Variants in MAB21L3 observed in about 807,000 individuals in gnomAD.
MAB21L3 encodes the protein mab-21 like 3.
In MAB21L3, 36 loss-of-function variants were observed where a neutral mutation model predicts 37.7. The observed-to-expected ratio is 0.96, with a 90% confidence interval of 0.73 to 1.26. MAB21L3 has a LOEUF of 1.26. Ranked by LOEUF, MAB21L3 falls within the 50% of genes most tolerant of loss-of-function variation. The pLI is 0.00. For missense variants in MAB21L3, 430 were observed against 447.3 expected (o/e 0.96, Z 0.35); for synonymous variants, 186 against 176.8 (o/e 1.05, Z -0.41).
intron 4 of MAB21L3, among the ~76,000 whole-genome samples, chr1:116,123,538 T>C (rs1232808462): frequency 2.6e-5 from 4 of 152,124 alleles, no homozygotes; most frequent in African/African-American, 9.7e-5. Context: ...GGTAGAGAAA[T>C]AATAACTGAA....
At chr1:116,125,603 T>C (rs1659886202) in intron 5 of MAB21L3, among the ~76,000 whole-genome samples, 1 of 152,226 alleles carries the variant, frequency 6.6e-6, no homozygotes, top group Non-Finnish European at 1.5e-5. Context: ...TGTGTGAAAA[T>C]AAAAGGATGT....
intron 4 of MAB21L3, among the ~76,000 whole-genome samples, chr1:116,121,832 T>G (rs1659759379): frequency 6.6e-6 from 1 of 152,232 alleles, no homozygotes; most frequent in South Asian, 2.1e-4. Context: ...TAAACCACCT[T>G]GTGGAAAAGA....
At chr1:116,119,324 C>T (rs1235023402) in intron 3 of MAB21L3, among the ~76,000 whole-genome samples, 1 of 152,174 alleles carries the variant, frequency 6.6e-6, no homozygotes, top group East Asian at 1.9e-4. Context: ...ATGTGATATA[C>T]AACGTGTCTA....
chr1:116,128,326 C>T lies in MAB21L3; in HGVS notation c.842C>T (p.Ser281Phe). 6.2e-7 allele frequency: 1 copy of T among 1,611,958 alleles called. No homozygotes were observed. Among genetic ancestry groups the T allele is most frequent in the East Asian group, 2.2e-5 (1 of 44,844 alleles). The change falls in exon 7 of 8, where the codon TCC (serine) becomes TTC (phenylalanine). Residue 281 changes from serine to phenylalanine, a missense_variant. Transcript: ENST00000369500. ...WCPGNRPVITSHHLQTVLFWT... is the reference protein window; with the variant it reads ...WCPGNRPVITFHHLQTVLFWT... ...CCAGGGAACAGGCCGGTTATCACGT[C>T]CCACCATCTGCAGGTGAGTGTGGGG...
chr1:116,128,419 C>A, intron 7 of MAB21L3, 80 bp downstream of exon 7: 3 of 1,367,238 alleles, frequency 2.2e-6, no homozygotes, highest in South Asian at 1.5e-5. Flanking sequence ...TAGGGCCTGG[C>A]CAGAGCCACT....
chr1:116,114,188 G>C (rs1268315744), intron 3 of MAB21L3, among the ~76,000 whole-genome samples: 1 of 152,146 alleles, frequency 6.6e-6, no homozygotes, highest in East Asian at 1.9e-4. Flanking sequence ...TATCATCTTG[G>C]TTGGCAACTT....
At position 116,133,485 on chromosome 1, in the gene MAB21L3, A is replaced by T; in HGVS notation, c.*120A>T. The stretch of plus-strand genomic sequence containing the variant: ...GGAGAAAGGCCACGAATGGCAGCGG[A>T]AATTACATCAAACCAGAAACACTTC... On this transcript the variant is annotated 3_prime_UTR_variant, in exon 8 of 8. Coordinates refer to ENST00000369500, the MANE Select transcript of MAB21L3 (RefSeq NM_152367.3). 1.2e-6 allele frequency: 1 copy of T among 841,652 alleles called. No homozygotes were observed. The highest frequency in any genetic ancestry group is 1.9e-6 in the Non-Finnish European group (1 of 537,052). 52.1% of individuals were successfully genotyped at this position (841,652 alleles called of 1,614,324 possible). A position where few individuals can be genotyped will look rare whatever the true frequency, so the allele number is the denominator to read the frequency against.
In MAB21L3 at chr1:116,137,038, G is replaced by T. The variant is rs1660212774; in HGVS notation, c.*3673G>T. On this transcript the variant is annotated 3_prime_UTR_variant, in exon 8 of 8. Transcript: ENST00000369500. Reference sequence around the variant, plus strand: ...ATAAAAACCCTAGAAGAAAACCTAGGCATTACCATTCAGGACATAGGCATG... The same window carrying T: ...ATAAAAACCCTAGAAGAAAACCTAGTCATTACCATTCAGGACATAGGCATG... 9.5e-6 allele frequency among the ~76,000 whole-genome samples: 1 copy of T among 105,454 alleles called. No individual in the cohort carries two copies. The highest frequency in any genetic ancestry group is 1.8e-5 in the Non-Finnish European group (1 of 56,902). The allele number at this position is 105,454 out of a possible 152,430, so 69.2% of individuals were successfully genotyped here.
chr1:116,130,512 G>A lies in MAB21L3; in HGVS notation c.855+2173G>A, dbSNP rs531289832. 2.6e-5 allele frequency among the ~76,000 whole-genome samples: 4 copies of A among 152,324 alleles called. No homozygotes were observed. The South Asian group carries it at 8.3e-4, about 32-fold the overall frequency. ...CCCTGCCCTTGAAATGAATGTGGCTGGTGATAAATGTGGTGCTAGACACCA... is the reference window on the plus strand; with the variant it reads ...CCCTGCCCTTGAAATGAATGTGGCTAGTGATAAATGTGGTGCTAGACACCA... On this transcript the variant is annotated intron_variant, in intron 7 of 7. Coordinates refer to ENST00000369500, the MANE Select transcript of MAB21L3 (RefSeq NM_152367.3).
intron 3 of MAB21L3, among the ~76,000 whole-genome samples, chr1:116,120,418 C>G (rs1659708778): frequency 7.7e-6 from 1 of 129,924 alleles, no homozygotes; most frequent in Non-Finnish European, 1.5e-5. Context: ...CACACACACA[C>G]ACACACACAC....
At chr1:116,123,965 G>T (rs768264796) in intron 4 of MAB21L3, 101 bp from the exon 5 acceptor site, 82 of 1,216,756 alleles carry the variant, frequency 6.7e-5, no homozygotes, top group Non-Finnish European at 9.4e-5. Flanking sequence ...AGGGTGGAGT[G>T]GTTAACAGAG....
intron 3 of MAB21L3, among the ~76,000 whole-genome samples, chr1:116,119,641 G>A (rs1046264244): frequency 1.3e-5 from 2 of 152,092 alleles, no homozygotes; most frequent in Admixed American, 6.5e-5. Flanking sequence ...GGCTGAAGGA[G>A]CCTCTGAAGG....
intron 3 of MAB21L3, 85 bp from the exon 4 acceptor site, chr1:116,120,847 T>C (rs2101611956): frequency 1.9e-6 from 3 of 1,539,612 alleles, no homozygotes; most frequent in South Asian, 1.2e-5. Flanking sequence ...CCCCTTGCTG[T>C]ACCCTTGTCT....
At position 116,127,232 on chromosome 1, in the gene MAB21L3, T is replaced by G. The variant is rs1403540200; in HGVS notation, c.482-234T>G. Among the ~76,000 whole-genome samples the G allele has an allele frequency of 5.3e-5, 8 of 152,242 alleles. No homozygotes were observed. In the East Asian group the frequency reaches 1.5e-3, roughly 29 times the overall value. On this transcript the variant is annotated intron_variant, in intron 5 of 7. Coordinates refer to ENST00000369500, the MANE Select transcript of MAB21L3 (RefSeq NM_152367.3). ...GGGAGAAAGAAAAACTCACCAGCAATGAGACTTCTTAGTAATGTTCCGATG... is the reference window on the plus strand; with the variant it reads ...GGGAGAAAGAAAAACTCACCAGCAAGGAGACTTCTTAGTAATGTTCCGATG...
chr1:116,125,680 T>G (rs1659888472), intron 5 of MAB21L3, among the ~76,000 whole-genome samples: 1 of 152,176 alleles, frequency 6.6e-6, no homozygotes, highest in African/African-American at 2.4e-5. Flanking sequence ...TAATAGTTTA[T>G]GTTTAATAGA....
At chr1:116,113,143 T>C (rs1290099188) in intron 3 of MAB21L3, among the ~76,000 whole-genome samples, 1 of 152,214 alleles carries the variant, frequency 6.6e-6, no homozygotes, top group Non-Finnish European at 1.5e-5. Context: ...TTCTTCTAGA[T>C]GGTCTAGATG....
chr1:116,119,865 G>C (rs1659692701), intron 3 of MAB21L3, among the ~76,000 whole-genome samples: 1 of 152,086 alleles, frequency 6.6e-6, no homozygotes, highest in Non-Finnish European at 1.5e-5. Context: ...TTTTCTATGA[G>C]AATTTCCCAA....
At position 116,135,489 on chromosome 1, in the gene MAB21L3, G is replaced by A. The variant is rs2101621549; in HGVS notation, c.*2124G>A. On this transcript the variant is annotated 3_prime_UTR_variant, in exon 8 of 8. Transcript: ENST00000369500. Reference sequence around the variant, plus strand: ...TCTGAAATTGTGGCAATAATCAATAGCTTACCAACCAAAAAGAGTCCAGGA... The same window carrying A: ...TCTGAAATTGTGGCAATAATCAATAACTTACCAACCAAAAAGAGTCCAGGA... Among the ~76,000 whole-genome samples the A allele has an allele frequency of 6.6e-6, 1 of 152,114 alleles. No individual in the cohort carries two copies. The highest frequency in any genetic ancestry group is 1.5e-5 in the Non-Finnish European group (1 of 67,980).
In MAB21L3 at chr1:116,127,373, T is replaced by C. The variant is rs1659937486; in HGVS notation, c.482-93T>C. Reference sequence around the variant, plus strand: ...AGTTGCCACACCAGTTGCAAGGTGCTGGTCAGAGCAACTGCTCACAAATTT... The same window carrying C: ...AGTTGCCACACCAGTTGCAAGGTGCCGGTCAGAGCAACTGCTCACAAATTT... On this transcript the variant is annotated intron_variant, in intron 5 of 7. Transcript: ENST00000369500. 3 of 1,262,678 alleles carry C rather than the reference T, an allele frequency of 2.4e-6. No homozygotes were observed. The African/African-American group carries it at 4.5e-5, about 19-fold the overall frequency. The allele number at this position is 1,262,678 out of a possible 1,614,324, so 78.2% of individuals were successfully genotyped here. A position where few individuals can be genotyped will look rare whatever the true frequency, so the allele number is the denominator to read the frequency against.
Sources: gnomAD v4.1 joint callset for allele counts (sites outside exome capture counted in the v4.1 genomes callset) on GRCh38, gnomAD v4.1.1 for gene constraint, MANE v1.5 for transcripts, NCBI Gene and HGNC (gene_info 2026-07-23, HGNC 2026-07-21) for gene names.